PALB2: variants seen among roughly 807,000 people sequenced by gnomAD.
The protein encoded by PALB2 is mutant partner and localizer of BRCA2.
PALB2 carries 82 observed loss-of-function variants against 107.4 expected under a neutral mutation model. That is an observed-to-expected ratio of 0.76 (90% confidence interval 0.64 to 0.92). PALB2 has a LOEUF of 0.92. Ranked by LOEUF, PALB2 falls within the 40% of genes least tolerant of loss-of-function variation. PALB2 has a pLI of 0.00. For synonymous variants in PALB2, 489 were observed against 496.8 expected (o/e 0.98, Z 0.21); for missense variants, 1,374 against 1,379.9 (o/e 1.00, Z 0.07).
At position 23,641,187 on chromosome 16, in the gene PALB2, C is replaced by A. The variant is rs773976779; in HGVS notation, c.-30G>T. On this transcript the variant is annotated 5_prime_UTR_variant, in exon 1 of 13. Coordinates refer to ENST00000261584, the MANE Select transcript of PALB2 (RefSeq NM_024675.4). The stretch of plus-strand genomic sequence containing the variant: ...CAGGCGACAGAACGAAAAGAGCAGC[C>A]GTCGCCGACCCCAGGCCTGCCGACA... 6.2e-7 allele frequency: 1 copy of A among 1,608,254 alleles called. No individual in the cohort carries two copies. Among genetic ancestry groups the A allele is most frequent in the Non-Finnish European group, 8.5e-7 (1 of 1,178,150 alleles).
At chr16:23,625,190 G>A (rs1201756182) in intron 7 of PALB2, among the ~76,000 whole-genome samples, 4 of 151,970 alleles carry the variant, frequency 2.6e-5, no homozygotes, top group African/African-American at 9.7e-5. Flanking sequence ...AAAATTAGCT[G>A]GGCGTGGTGG....
intron 6 of PALB2, among the ~76,000 whole-genome samples, chr16:23,628,525 C>A (rs1966851500): frequency 6.6e-6 from 1 of 152,232 alleles, no homozygotes; most frequent in African/African-American, 2.4e-5. Flanking sequence ...ACCACTAGAA[C>A]TGCTCCCCAT....
intron 3 of PALB2, among the ~76,000 whole-genome samples, chr16:23,636,969 A>C (rs1477632973): frequency 6.6e-6 from 1 of 152,078 alleles, no homozygotes; most frequent in Admixed American, 6.6e-5. Flanking sequence ...AAAACCTTTC[A>C]CTGGGCACGG....
Position 23,635,745 on chromosome 16 carries a change from A to G in PALB2, c.801T>C (p.Pro267=). The G allele has an allele frequency of 6.2e-7, 1 of 1,614,168 alleles. No individual in the cohort carries two copies. The highest frequency in any genetic ancestry group is 8.5e-7 in the Non-Finnish European group (1 of 1,180,026). The change falls in exon 4 of 13, where the codon CCT becomes CCC. Residue 267 remains proline, a synonymous_variant. Transcript: ENST00000261584. ...GAGTAGTAAGTTCACTGCTACCTTT[A>G]GGAGGAATGTGTTCAAGGTGCTGAC... is the stretch of plus-strand genomic sequence containing the variant. ...GSSQHLEHIP[P]KGSSELTTHD... is the part of the protein sequence containing the mutation.
rs1485513767 is a variant in PALB2, at chr16:23,622,838, T to A, written c.2996+131A>T. ...CCTGCTTCTATGTCATAACCTAGTG[T>A]TGATGCGGTACATGCTTATATTACA... On this transcript the variant is annotated intron_variant, in intron 9 of 12. Coordinates refer to ENST00000261584, the MANE Select transcript of PALB2 (RefSeq NM_024675.4). The A allele has an allele frequency of 6.0e-6, 6 of 1,003,304 alleles. No homozygotes were observed. In the Admixed American group the frequency reaches 1.1e-4, roughly 18 times the overall value. 62.2% of individuals were successfully genotyped at this position (1,003,304 alleles called of 1,614,324 possible). A position where few individuals can be genotyped will look rare whatever the true frequency, so the allele number is the denominator to read the frequency against.
intron 11 of PALB2, among the ~76,000 whole-genome samples, chr16:23,608,799 T>TACAC (rs1309453906): frequency 8.7e-6 from 1 of 115,072 alleles, no homozygotes; most frequent in Admixed American, 9.0e-5. Context: ...TGTGTATATA[T>TACAC]ATACACACAC....
At chr16:23,639,906 C>G (rs1414442243) in intron 1 of PALB2, among the ~76,000 whole-genome samples, 1 of 151,974 alleles carries the variant, frequency 6.6e-6, no homozygotes, top group Non-Finnish European at 1.5e-5. Flanking sequence ...TTTTGAGAGA[C>G]AGTCTCACTC....
At position 23,635,155 on chromosome 16, in the gene PALB2, C is replaced by T. The variant is rs1966972231; in HGVS notation, c.1391G>A (p.Arg464Lys). 1 of 1,614,188 alleles carries T rather than the reference C, an allele frequency of 6.2e-7. No individual in the cohort carries two copies. The highest frequency in any genetic ancestry group is 8.5e-7 in the Non-Finnish European group (1 of 1,180,044). ...TTGTCCTGTGCATGTGCCAGACATC[C>T]TAATTTCACTTTGGTCAGTTTCCTC... ...SNEETDQSEI[R>K]MSGTCTGQPS... The change falls in exon 4 of 13, where the codon AGG becomes AAG. Residue 464 changes from arginine (R) to lysine (K), a missense_variant. By Grantham distance (26) the Arg-to-Lys change is conservative. Transcript: ENST00000261584.
chr16:23,636,181 T>C lies in PALB2; in HGVS notation c.365A>G (p.Asp122Gly), dbSNP rs866367185. ...GTGGGGAAAATGTTCTTGGGTGTCA[T>C]CTGTTCTTTGTATAGGTAATCCTCC... ...GPGGLPIQRT[D>G]DTQEHFPHRV... The change falls in exon 4 of 13, where the codon GAT (aspartate) becomes GGT (glycine). Residue 122 changes from aspartate to glycine, a missense_variant. Asp to Gly is a moderately conservative substitution (Grantham distance 94). Transcript: ENST00000261584. 1.9e-6 allele frequency: 3 copies of C among 1,613,050 alleles called. No homozygotes were observed. In the African/African-American group the frequency reaches 4.0e-5, roughly 22 times the overall value.
At chr16:23,631,039 G>A (rs938249709) in intron 4 of PALB2, among the ~76,000 whole-genome samples, 2 of 150,508 alleles carry the variant, frequency 1.3e-5, no homozygotes, top group Non-Finnish European at 3.0e-5. Flanking sequence ...TGAGGCAGGC[G>A]GATCACTTGA....
rs370908330 is a variant in PALB2, at chr16:23,629,701, A to T, written c.2453T>A (p.Phe818Tyr). ...GTTTCTACAGAGCTGATTTTCTTTA[A>T]AAGTGAATGACTCAATGGGTGGAGG... ...GTPPPIESFT[F>Y]KENQLCRNTC... Residue 818 changes from phenylalanine to tyrosine, a missense_variant, in exon 5 of 13, where the codon TTT becomes TAT. Coordinates refer to ENST00000261584, the MANE Select transcript of PALB2 (RefSeq NM_024675.4). The T allele has an allele frequency of 6.2e-7, 1 of 1,614,252 alleles. No homozygotes were observed. Among genetic ancestry groups the T allele is most frequent in the Non-Finnish European group, 8.5e-7 (1 of 1,180,050 alleles).
At chr16:23,640,899 T>A (rs1832210136) in intron 1 of PALB2, 1 of 606,866 alleles carries the variant, frequency 1.6e-6, no homozygotes, top group Admixed American at 3.0e-5. Flanking sequence ...ATTAATGCGC[T>A]GCTACTGTAA....
At position 23,629,791 on chromosome 16, in the gene PALB2, G is replaced by T. The variant is rs1567217501; in HGVS notation, c.2363C>A (p.Thr788Asn). Reference sequence around the variant, plus strand: ...TCCTTGCCTGCCTGACACTTGCAGGGTGGTATGTGGTTTTGCTGGGCTGCC... The same window carrying T: ...TCCTTGCCTGCCTGACACTTGCAGGTTGGTATGTGGTTTTGCTGGGCTGCC... ...SSGSPAKPHT[T>N]LQVSGRQGQP... The change falls in exon 5 of 13, where the codon ACC (threonine) becomes AAC (asparagine). Residue 788 changes from threonine to asparagine, a missense_variant. Transcript: ENST00000261584. The T allele has an allele frequency of 6.2e-7, 1 of 1,614,214 alleles. No homozygotes were observed. Among genetic ancestry groups the T allele is most frequent in the Non-Finnish European group, 8.5e-7 (1 of 1,180,038 alleles).
At position 23,603,552 on chromosome 16, in the gene PALB2, G is replaced by C. The variant is rs2142253107; in HGVS notation, c.3468C>G (p.Asp1156Glu). The part of the protein sequence containing the change: ...QCTALLPPVS[D>E]QHWSFVKWSG... ...ACCATTTCACAAAAGACCAATGTTG[G>C]TCAGAGACAGGTGGGAGGAGGGCAG... is the stretch of plus-strand genomic sequence containing the variant. Residue 1156 changes from aspartate (D) to glutamate (E), a missense_variant, in exon 13 of 13, where the codon GAC (aspartate) becomes GAG (glutamate). Asp to Glu is a conservative substitution (Grantham distance 45, BLOSUM62 2). Transcript: ENST00000261584. 6.2e-7 allele frequency: 1 copy of C among 1,613,994 alleles called. No individual in the cohort carries two copies. Among genetic ancestry groups the C allele is most frequent in the Non-Finnish European group, 8.5e-7 (1 of 1,180,002 alleles).
At chr16:23,626,489 G>T (rs1026798536) in intron 6 of PALB2, 92 bp from the exon 7 acceptor site, 72 of 1,450,472 alleles carry the variant, frequency 5.0e-5, no homozygotes, top group Non-Finnish European at 6.7e-5. Context: ...ATAATTCAAT[G>T]AAACAGTAGG....
intron 8 of PALB2, among the ~76,000 whole-genome samples, chr16:23,623,638 T>C (rs1454287295): frequency 6.7e-6 from 1 of 150,204 alleles, no homozygotes; most frequent in African/African-American, 2.5e-5. Flanking sequence ...CTCAGCCTCC[T>C]GAGTAGCTGG....
At position 23,629,794 on chromosome 16, in the gene PALB2, G is replaced by A. The variant is rs201042302; in HGVS notation, c.2360C>T (p.Thr787Ile). The A allele has an allele frequency of 9.9e-6, 16 of 1,614,192 alleles. No individual in the cohort carries two copies. In the East Asian group the frequency reaches 3.6e-4, roughly 36 times the overall value. The change falls in exon 5 of 13, where the codon ACC becomes ATC. Residue 787 changes from threonine to isoleucine, a missense_variant. Physicochemically the swap from Thr to Ile is moderately conservative, Grantham distance 89. Coordinates refer to ENST00000261584, the MANE Select transcript of PALB2 (RefSeq NM_024675.4). ...DSSGSPAKPH[T>I]TLQVSGRQGQ... ...TTGCCTGCCTGACACTTGCAGGGTG[G>A]TATGTGGTTTTGCTGGGCTGCCTGA...
rs146659762 is a variant in PALB2, at chr16:23,603,502, G to A, written c.3518C>T (p.Ala1173Val). ...AAATATATTTCCATCTTTTTGTCCA[G>A]CCAGCAAATGAGAGTCTGTACCCGA... ...KWSGTDSHLL[A>V]GQKDGNIFVY... The change falls in exon 13 of 13, where the codon GCT becomes GTT. Residue 1173 changes from alanine to valine, a missense_variant. Coordinates refer to ENST00000261584, the MANE Select transcript of PALB2 (RefSeq NM_024675.4). 23 of 1,613,880 alleles carry A rather than the reference G, an allele frequency of 1.4e-5. No homozygotes were observed. Among genetic ancestry groups the A allele is most frequent in the Non-Finnish European group, 1.9e-5 (22 of 1,179,938 alleles).
At chr16:23,640,791 T>C (rs889740800) in intron 1 of PALB2, 5 of 338,648 alleles carry the variant, frequency 1.5e-5, no homozygotes, top group African/African-American at 1.0e-4. Context: ...AAAGATTTAC[T>C]TGAGGCCGTC....
Sources: gnomAD v4.1 joint callset for allele counts (sites outside exome capture counted in the v4.1 genomes callset) on GRCh38, gnomAD v4.1.1 for gene constraint, MANE v1.5 for transcripts, NCBI Gene and HGNC (gene_info 2026-07-23, HGNC 2026-07-21) for gene names.